Variants in NAALADL2 observed in about 807,000 individuals in gnomAD.
NAALADL2 encodes N-acetylated alpha-linked acidic dipeptidase like 2.
Under a neutral mutation model 87.2 loss-of-function variants are expected in NAALADL2, and 76 were observed. The ratio of observed to expected loss-of-function variants is 0.87; its 90% CI spans 0.72 to 1.05. The LOEUF is 1.05. NAALADL2 is among the 50% of genes least tolerant of loss of function. NAALADL2 has a pLI of 0.00. For synonymous variants in NAALADL2, 354 were observed against 331.0 expected (o/e 1.07, Z -0.75); for missense variants, 1,089 against 945.8 (o/e 1.15, Z -1.99).
intron 2 of NAALADL2, among the ~76,000 whole-genome samples, chr3:175,222,792 A>G (rs1014484416): frequency 9.9e-5 from 15 of 152,158 alleles, no homozygotes; most frequent in Admixed American, 9.2e-4. Context: ...ATTCCATTAC[A>G]TGTTAAGAAT....
At chr3:175,522,077 A>G (rs2149421490) in intron 9 of NAALADL2, among the ~76,000 whole-genome samples, 1 of 152,238 alleles carries the variant, frequency 6.6e-6, no homozygotes, top group Admixed American at 6.5e-5. Flanking sequence ...ATTGTATTTA[A>G]TTTTCCTATT....
chr3:175,512,966 C>T (rs1329606458), intron 9 of NAALADL2, among the ~76,000 whole-genome samples: 2 of 152,056 alleles, frequency 1.3e-5, no homozygotes, highest in Admixed American at 1.3e-4. Context: ...GTTTGCATTG[C>T]AGAGTGAAAA....
intron 3 of NAALADL2, among the ~76,000 whole-genome samples, chr3:174,745,208 A>C (rs562790188): frequency 3.9e-5 from 6 of 152,192 alleles, no homozygotes; most frequent in African/African-American, 1.4e-4. Context: ...AGACTAATAA[A>C]GTAGAAAAGA....
At chr3:175,487,463 A>T (rs918345514) in intron 9 of NAALADL2, 36 of 452,452 alleles carry the variant, frequency 8.0e-5, no homozygotes, top group Non-Finnish European at 8.9e-5. Flanking sequence ...AATGAACATA[A>T]TTTATTTGCC....
chr3:175,539,085 G>C (rs1241993636), intron 9 of NAALADL2, among the ~76,000 whole-genome samples: 1 of 152,142 alleles, frequency 6.6e-6, no homozygotes, highest in Non-Finnish European at 1.5e-5. Context: ...AGACCTACAT[G>C]ACTGTTGTAG....
chr3:175,693,968 C>T (rs1045316556), intron 11 of NAALADL2, among the ~76,000 whole-genome samples: 2 of 152,148 alleles, frequency 1.3e-5, no homozygotes, highest in African/African-American at 4.8e-5. Context: ...GCTAGGATTA[C>T]AGTCATGAGC....
chr3:175,224,855 C>T (rs760669622), intron 2 of NAALADL2, among the ~76,000 whole-genome samples: 2 of 152,090 alleles, frequency 1.3e-5, no homozygotes, highest in Non-Finnish European at 2.9e-5. Flanking sequence ...TTATAATTTT[C>T]GTTTTTGTTT....
At chr3:174,748,311 TTAAAAA>T (rs886112289) in intron 3 of NAALADL2, among the ~76,000 whole-genome samples, 13 of 146,164 alleles carry the variant, frequency 8.9e-5, no homozygotes, top group African/African-American at 2.8e-4. Context: ...ATGCTAGAAC[TTAAAAA>T]TAAATTACAT....
intron 1 of NAALADL2, among the ~76,000 whole-genome samples, chr3:174,900,987 A>G (rs1330538653): frequency 6.6e-6 from 1 of 152,168 alleles, no homozygotes; most frequent in African/African-American, 2.4e-5. Context: ...ATTTGTAGAC[A>G]GAGGGTTGAA....
At chr3:175,276,009 CAAT>C (rs1276715003) in intron 4 of NAALADL2, among the ~76,000 whole-genome samples, 2 of 151,032 alleles carry the variant, frequency 1.3e-5, no homozygotes, top group African/African-American at 2.4e-5. Context: ...CAGTCATAAA[CAAT>C]AAATTTCTAC....
chr3:174,567,453 T>C (rs1274038847), intron 2 of NAALADL2, among the ~76,000 whole-genome samples: 4 of 151,524 alleles, frequency 2.6e-5, no homozygotes. Flanking sequence ...AACTTCTAAT[T>C]AGAGCATTTT....
At chr3:175,693,296 C>G (rs1397523710) in intron 11 of NAALADL2, among the ~76,000 whole-genome samples, 2 of 152,122 alleles carry the variant, frequency 1.3e-5, no homozygotes, top group African/African-American at 2.4e-5. Context: ...TCATCTATTA[C>G]AGTGGCCTAA....
At chr3:175,553,790 G>T (rs1490783962) in intron 9 of NAALADL2, among the ~76,000 whole-genome samples, 1 of 151,462 alleles carries the variant, frequency 6.6e-6, no homozygotes, top group Non-Finnish European at 1.5e-5. Context: ...TCTTTTTAAG[G>T]ATGTTTATAT....
At chr3:174,620,023 T>C (rs1720844596) in intron 2 of NAALADL2, among the ~76,000 whole-genome samples, 1 of 151,986 alleles carries the variant, frequency 6.6e-6, no homozygotes, top group African/African-American at 2.4e-5. Context: ...TAAAAAGCGA[T>C]AGAGCCCATA....
intron 5 of NAALADL2, among the ~76,000 whole-genome samples, chr3:175,346,995 C>CT (rs11400801): frequency 0.44 from 66,449 of 152,038 alleles, 15,054 homozygotes; most frequent in East Asian, 0.67. Context: ...ACAAGTATTA[C>CT]TGTTAACATT....
chr3:175,156,827 T>C (rs1287761228), intron 2 of NAALADL2, among the ~76,000 whole-genome samples: 1 of 152,044 alleles, frequency 6.6e-6, no homozygotes, highest in African/African-American at 2.4e-5. Context: ...ACCTATTGTG[T>C]TCAAGTTAAA....
At chr3:175,192,333 T>C (rs1738332617) in intron 2 of NAALADL2, among the ~76,000 whole-genome samples, 1 of 152,134 alleles carries the variant, frequency 6.6e-6, no homozygotes, top group Non-Finnish European at 1.5e-5. Flanking sequence ...CTTAGATTTT[T>C]ATAAGATTCA....
intron 3 of NAALADL2, among the ~76,000 whole-genome samples, chr3:174,837,594 G>T (rs1723492583): frequency 1.3e-5 from 2 of 152,144 alleles, no homozygotes; most frequent in Admixed American, 1.3e-4. Context: ...AGGAGTTTGA[G>T]ACCAGCCTGG....
chr3:174,907,231 GC>G (rs141434445), intron 1 of NAALADL2, among the ~76,000 whole-genome samples: 15,256 of 151,936 alleles, frequency 0.1, 885 homozygotes, highest in African/African-American at 0.14. Flanking sequence ...CTGGAGATCA[GC>G]CCTTTTGTTT....
Sources: gnomAD v4.1 joint callset for allele counts (sites outside exome capture counted in the v4.1 genomes callset) on GRCh38, gnomAD v4.1.1 for gene constraint, MANE v1.5 for transcripts, NCBI Gene and HGNC (gene_info 2026-07-23, HGNC 2026-07-21) for gene names.